The following METTL14 variants were observed in gnomAD, a reference collection of about 807,000 sequenced individuals.
METTL14 encodes N(6)-adenosine-methyltransferase non-catalytic subunit METTL14.
METTL14 carries 32 observed loss-of-function variants against 62.4 expected under a neutral mutation model. The observed-to-expected ratio is 0.51, with a 90% confidence interval of 0.39 to 0.69. The LOEUF (loss-of-function observed/expected upper bound fraction) is 0.69, where lower values mean the gene tolerates loss of function less well. Among genes scored for constraint, METTL14 ranks in the 30% least tolerant of loss-of-function variants. The pLI is 0.00. For synonymous variants in METTL14, 150 were observed against 180.0 expected (o/e 0.83, Z 1.34); for missense variants, 340 against 551.9 (o/e 0.62, Z 3.85).
intron 8 of METTL14, among the ~76,000 whole-genome samples, chr4:118,702,803 T>G (rs1724633546): frequency 6.6e-6 from 1 of 151,424 alleles, no homozygotes; most frequent in Non-Finnish European, 1.5e-5. Context: ...GAGTTTCATT[T>G]TGAGGTGTTA....
At chr4:118,691,869 A>T in intron 4 of METTL14, 112 bp from the exon 5 acceptor site, 1 of 703,642 alleles carries the variant, frequency 1.4e-6, no homozygotes, top group Non-Finnish European at 2.3e-6. Flanking sequence ...ACTAATTTTT[A>T]AATCTATCAA....
rs1343230335 is a variant in METTL14, at chr4:118,711,429, A to G, written c.*1127A>G. ...TTTTCTTATTTTTATGATTTTTCTAATGAAACTTTAAACTTTTGAGATTTG... is the reference window on the plus strand; with the variant it reads ...TTTTCTTATTTTTATGATTTTTCTAGTGAAACTTTAAACTTTTGAGATTTG... On this transcript the variant is annotated 3_prime_UTR_variant, in exon 11 of 11. Transcript: ENST00000388822. 1.3e-5 allele frequency: 2 copies of G among 152,156 alleles called. No homozygotes were observed. The highest frequency in any genetic ancestry group is 4.8e-5 in the African/African-American group (2 of 41,444). 9.4% of individuals were successfully genotyped at this position (152,156 alleles called of 1,614,324 possible). A position where few individuals can be genotyped will look rare whatever the true frequency, so the allele number is the denominator to read the frequency against.
intron 7 of METTL14, among the ~76,000 whole-genome samples, chr4:118,697,766 AC>A (rs1240502944): frequency 6.6e-6 from 1 of 152,182 alleles, no homozygotes; most frequent in Non-Finnish European, 1.5e-5. Flanking sequence ...ACACATAATT[AC>A]AATTTTGTTG....
chr4:118,696,386 G>A (rs1328813807), intron 6 of METTL14, among the ~76,000 whole-genome samples: 1 of 151,650 alleles, frequency 6.6e-6, no homozygotes, highest in African/African-American at 2.4e-5. Context: ...GGTATTATAG[G>A]CATGAGCCAC....
chr4:118,693,708 C>G (rs759111208), intron 5 of METTL14, among the ~76,000 whole-genome samples: 31 of 152,076 alleles, frequency 2.0e-4, no homozygotes, highest in Non-Finnish European at 3.4e-4. Flanking sequence ...GCAAAGAAAA[C>G]ATACTTAGAA....
At chr4:118,709,717 T>C (rs1392279501) in intron 10 of METTL14, among the ~76,000 whole-genome samples, 1 of 152,194 alleles carries the variant, frequency 6.6e-6, no homozygotes, top group Non-Finnish European at 1.5e-5. Flanking sequence ...CTCAGTGTAA[T>C]GTATGGGATT....
intron 1 of METTL14, 32 bp downstream of exon 1, chr4:118,685,632 A>G (rs1209067644): frequency 6.2e-7 from 1 of 1,605,842 alleles, no homozygotes; most frequent in Admixed American, 1.7e-5. Flanking sequence ...TGTGGGAGGG[A>G]TCGAGAATGC....
intron 8 of METTL14, among the ~76,000 whole-genome samples, chr4:118,703,184 AT>A (rs1364186841): frequency 4.0e-5 from 6 of 151,640 alleles, no homozygotes; most frequent in Non-Finnish European, 7.4e-5. Flanking sequence ...TTATTTGTTT[AT>A]TTTTCCCTCC....
chr4:118,688,721 T>C (rs1024983348), intron 2 of METTL14, among the ~76,000 whole-genome samples: 2 of 152,208 alleles, frequency 1.3e-5, no homozygotes, highest in Non-Finnish European at 2.9e-5. Flanking sequence ...GTCACCAGGC[T>C]TGAGTGCAGT....
intron 7 of METTL14, 171 bp downstream of exon 7, chr4:118,697,494 T>G: frequency 1.8e-6 from 1 of 550,870 alleles, no homozygotes; most frequent in East Asian, 3.4e-5. Context: ...TAATATTACA[T>G]TATCTTTAAT....
Position 118,715,302 on chromosome 4 carries a change from A to G in METTL14, c.*5000A>G, listed in dbSNP as rs1725016683. Reference sequence around the variant, plus strand: ...TCAAAGCACAATTTTGTTCTGATATATCCAGTTTAGTAGTTTATGCTGGTT... The same window carrying G: ...TCAAAGCACAATTTTGTTCTGATATGTCCAGTTTAGTAGTTTATGCTGGTT... On this transcript the variant is annotated 3_prime_UTR_variant, in exon 11 of 11. Transcript: ENST00000388822. The G allele has an allele frequency of 6.6e-6, 1 of 152,238 alleles. No homozygotes were observed. The highest frequency in any genetic ancestry group is 1.5e-5 in the Non-Finnish European group (1 of 68,042). The allele number at this position is 152,238 out of a possible 1,614,324, so 9.4% of individuals were successfully genotyped here.
At chr4:118,692,268 A>C (rs544434642) in intron 5 of METTL14, among the ~76,000 whole-genome samples, 200 bp downstream of exon 5, 1 of 134,994 alleles carries the variant, frequency 7.4e-6, no homozygotes, top group Admixed American at 8.5e-5. Context: ...TGTGTTGCTC[A>C]GGCTGGAGTG....
intron 3 of METTL14, among the ~76,000 whole-genome samples, chr4:118,691,037 A>G (rs1353660483): frequency 6.6e-6 from 1 of 152,200 alleles, no homozygotes; most frequent in Non-Finnish European, 1.5e-5. Flanking sequence ...TCAGTGAAAT[A>G]ATACCTAATC....
rs1164632249 is a variant in METTL14, at chr4:118,686,404, T to G, written c.66+804T>G. 1.2e-5 allele frequency: 4 copies of G among 324,024 alleles called. No individual in the cohort carries two copies. In the East Asian group the frequency reaches 3.1e-4, roughly 25 times the overall value. 20.1% of individuals were successfully genotyped at this position (324,024 alleles called of 1,614,324 possible). ...TCTACTTAAAATCGAGGCTGTATTT[T>G]CCATTCTACTATTCAGATCAGTAAA... On this transcript the variant is annotated intron_variant, in intron 1 of 10. Coordinates refer to ENST00000388822, the MANE Select transcript of METTL14 (RefSeq NM_020961.4).
chr4:118,699,597 A>C (rs558640778), intron 7 of METTL14, among the ~76,000 whole-genome samples: 1 of 152,302 alleles, frequency 6.6e-6, no homozygotes, highest in African/African-American at 2.4e-5. Flanking sequence ...TTAAACAATG[A>C]ATCTGATTAT....
Position 118,713,455 on chromosome 4 carries a change from A to T in METTL14, c.*3153A>T, listed in dbSNP as rs184578242. Reference sequence around the variant, plus strand: ...ACTGTTTTCATCCTGAATTTAGAACATAAGATTTAGCCTTTGAAGTATAGT... The same window carrying T: ...ACTGTTTTCATCCTGAATTTAGAACTTAAGATTTAGCCTTTGAAGTATAGT... On this transcript the variant is annotated 3_prime_UTR_variant, in exon 11 of 11. Coordinates refer to ENST00000388822, the MANE Select transcript of METTL14 (RefSeq NM_020961.4). 6 of 152,232 alleles carry T rather than the reference A, an allele frequency of 3.9e-5. No homozygotes were observed. Among genetic ancestry groups the T allele is most frequent in the Non-Finnish European group, 8.8e-5 (6 of 68,040 alleles). The allele number at this position is 152,232 out of a possible 1,614,324, so 9.4% of individuals were successfully genotyped here. A position where few individuals can be genotyped will look rare whatever the true frequency, so the allele number is the denominator to read the frequency against.
rs991398422 is a variant in METTL14, at chr4:118,685,439, C to T, written c.-96C>T. 3.3e-6 allele frequency: 4 copies of T among 1,228,196 alleles called. No homozygotes were observed. Among genetic ancestry groups the T allele is most frequent in the Non-Finnish European group, 4.8e-6 (4 of 830,986 alleles). 76.1% of individuals were successfully genotyped at this position (1,228,196 alleles called of 1,614,324 possible). A position where few individuals can be genotyped will look rare whatever the true frequency, so the allele number is the denominator to read the frequency against. ...TGAGGATACTCTGTTCGTAAGCTCC[C>T]GGTGAATTTTGTTCCACAGACTCGG... On this transcript the variant is annotated 5_prime_UTR_variant, in exon 1 of 11. Coordinates refer to ENST00000388822, the MANE Select transcript of METTL14 (RefSeq NM_020961.4).
At chr4:118,698,657 CAG>C (rs988429932) in intron 7 of METTL14, among the ~76,000 whole-genome samples, 11 of 151,886 alleles carry the variant, frequency 7.2e-5, no homozygotes, top group African/African-American at 2.7e-4. Flanking sequence ...AAGGATAACT[CAG>C]GGTTTCTATC....
intron 10 of METTL14, among the ~76,000 whole-genome samples, chr4:118,706,211 C>A (rs941300172): frequency 1.3e-5 from 2 of 152,314 alleles, no homozygotes; most frequent in African/African-American, 4.8e-5. Flanking sequence ...GGATCATACT[C>A]AATAGTTTCA....
Sources: allele counts gnomAD v4.1 joint callset (sites outside exome capture counted in the v4.1 genomes callset), GRCh38; gene constraint gnomAD v4.1.1; transcripts MANE v1.5; gene names NCBI Gene and HGNC (gene_info 2026-07-23, HGNC 2026-07-21).